The following NALCN variants were observed in gnomAD, a reference collection of about 807,000 sequenced individuals.
The protein encoded by NALCN is sodium leak channel NALCN.
Under a neutral mutation model 225.3 loss-of-function variants are expected in NALCN, and 111 were observed. The observed-to-expected ratio is 0.49, with a 90% confidence interval of 0.42 to 0.58. The LOEUF (loss-of-function observed/expected upper bound fraction) is 0.58. Ranked by LOEUF, NALCN falls within the 20% of genes least tolerant of loss-of-function variation. The probability of loss-of-function intolerance (pLI) is 0.00; values close to 1 mark genes in which losing one functional copy is unlikely to be tolerated. For missense variants in NALCN, 1,378 were observed against 2,202.4 expected (o/e 0.63, Z 7.49); for synonymous variants, 764 against 769.0 (o/e 0.99, Z 0.11).
intron 11 of NALCN, among the ~76,000 whole-genome samples, chr13:101,245,996 A>G (rs2041884224): frequency 6.6e-6 from 1 of 152,180 alleles, no homozygotes; most frequent in African/African-American, 2.4e-5. Flanking sequence ...TTTGGACCTG[A>G]GAAGATTCTG....
At chr13:101,314,085 C>G (rs113365832) in intron 7 of NALCN, among the ~76,000 whole-genome samples, 15,527 of 145,964 alleles carry the variant, frequency 0.11, 1,105 homozygotes, top group African/African-American at 0.2. Flanking sequence ...ACCGCATGTT[C>G]TCACTCATAG....
intron 17 of NALCN, among the ~76,000 whole-genome samples, chr13:101,134,881 T>C (rs1197651447): frequency 1.3e-5 from 2 of 152,194 alleles, no homozygotes; most frequent in Admixed American, 6.5e-5. Flanking sequence ...ATAGGTTTAA[T>C]ATACAGTACT....
In NALCN at chr13:101,292,690, T is replaced by C. The variant is rs2043597806; in HGVS notation, c.800-324A>G. 6.6e-6 allele frequency among the ~76,000 whole-genome samples: 1 copy of C among 152,166 alleles called. No homozygotes were observed. Among genetic ancestry groups the C allele is most frequent in the Admixed American group, 6.5e-5 (1 of 15,272 alleles). ...TATATATGTATAATTAAAAAAAGGA[T>C]ATGTACCATTTAAGCTTGCCACTTG... On this transcript the variant is annotated intron_variant, in intron 7 of 43. Coordinates refer to ENST00000251127, the MANE Select transcript of NALCN (RefSeq NM_052867.4). This position sits in a 1 kb window ranked among gnomAD's most constrained non-coding sequence, Gnocchi z 4.3.
chr13:101,258,160 G>C (rs1341671719), intron 11 of NALCN, among the ~76,000 whole-genome samples: 1 of 152,148 alleles, frequency 6.6e-6, no homozygotes, highest in African/African-American at 2.4e-5. Context: ...GAGATAATAA[G>C]AGGTGGATAG....
At position 101,346,087 on chromosome 13, in the gene NALCN, C is replaced by CTCTCTCTCTCTCTATA; in HGVS notation, c.645-668_645-667insTATAGAGAGAGAGAGA. Among the ~76,000 whole-genome samples, 253 of 70,912 alleles carry CTCTCTCTCTCTCTATA rather than the reference C, an allele frequency of 3.6e-3. 1 individual carries two copies. Among genetic ancestry groups the CTCTCTCTCTCTCTATA allele is most frequent in the Admixed American group, 4.5e-3 (23 of 5,100 alleles). The allele number at this position is 70,912 out of a possible 152,430, so 46.5% of individuals were successfully genotyped here. ...TCTCTCTCTCTCTCTCTCTCTCTCT[C>CTCTCTCTCTCTCTATA]TATATATATATATATATATATATAT... On this transcript the variant is annotated intron_variant, in intron 6 of 43. Transcript: ENST00000251127.
intron 7 of NALCN, among the ~76,000 whole-genome samples, chr13:101,293,905 G>A (rs902796710): frequency 2.0e-5 from 3 of 152,166 alleles, no homozygotes; most frequent in African/African-American, 7.2e-5. Context: ...CATTGGTACT[G>A]TAACTCCTTG....
chr13:101,290,931 C>T (rs1381132824), intron 9 of NALCN, among the ~76,000 whole-genome samples: 2 of 152,118 alleles, frequency 1.3e-5, no homozygotes, highest in African/African-American at 2.4e-5. Context: ...TATAAAGATT[C>T]ACGCTAGAAG....
At chr13:101,180,991 C>A in intron 14 of NALCN, 2 of 451,354 alleles carry the variant, frequency 4.4e-6, no homozygotes, top group Non-Finnish European at 8.9e-6. Flanking sequence ...AGAAATGAAG[C>A]CCCATCATAA....
intron 11 of NALCN, among the ~76,000 whole-genome samples, chr13:101,248,918 T>C (rs1026428286): frequency 1.1e-4 from 17 of 152,234 alleles, no homozygotes; most frequent in Middle Eastern, 3.4e-3. Context: ...TCATATGATA[T>C]GTCATATGTC....
At chr13:101,391,175 G>A (rs1239728472) in intron 3 of NALCN, among the ~76,000 whole-genome samples, 2 of 150,520 alleles carry the variant, frequency 1.3e-5, no homozygotes, top group Non-Finnish European at 3.0e-5. Flanking sequence ...AAACAAAATG[G>A]AACAAACAAA....
rs776577303 is a variant in NALCN at position 101,376,929 on chromosome 13, G to C, written c.503C>G (p.Thr168Arg). The change falls in exon 5 of 44, where the codon ACA becomes AGA. Residue 168 changes from threonine to arginine, a missense_variant. Around this residue, in one of 19 missense-constraint regions of NALCN, gnomAD observed 14 missense variants for 58.2 expected, o/e 0.24. Transcript: ENST00000251127. ...AAGCAGCGCTCACTTTAAAATATTTGTAATTCTGGTCCTTGGCAGTTCAAA... is the reference window on the plus strand; with the variant it reads ...AAGCAGCGCTCACTTTAAAATATTTCTAATTCTGGTCCTTGGCAGTTCAAA... ...FRFELPRTRITNILKRSGEQI... is the reference protein window; with the variant it reads ...FRFELPRTRIRNILKRSGEQI... 2 of 1,614,132 alleles carry C rather than the reference G, an allele frequency of 1.2e-6. No individual in the cohort carries two copies. Among genetic ancestry groups the C allele is most frequent in the East Asian group, 2.2e-5 (1 of 44,874 alleles).
intron 28 of NALCN, 110 bp from the exon 29 acceptor site, chr13:101,090,076 A>G (rs112479106): frequency 1.6e-4 from 231 of 1,452,566 alleles, no homozygotes; most frequent in South Asian, 5.2e-4. Context: ...GTGTGTGTGT[A>G]TATACACACA....
intron 7 of NALCN, among the ~76,000 whole-genome samples, chr13:101,300,149 C>A (rs2043899289): frequency 6.6e-6 from 1 of 151,776 alleles, no homozygotes; most frequent in African/African-American, 2.4e-5. Flanking sequence ...ATCAGCAGAC[C>A]AGCAACAGCA....
intron 13 of NALCN, among the ~76,000 whole-genome samples, chr13:101,198,684 C>G (rs1328244610): frequency 1.3e-5 from 2 of 152,198 alleles, no homozygotes; most frequent in Non-Finnish European, 2.9e-5. Flanking sequence ...CACTTTTACA[C>G]TGTTGGTGGG....
chr13:101,103,315 T>A lies in NALCN; in HGVS notation c.2914A>T (p.Met972Leu), dbSNP rs2139609113. The change falls in exon 26 of 44, where the codon ATG becomes TTG. Residue 972 changes from methionine (M) to leucine (L), a missense_variant. Transcript: ENST00000251127. ...YLVSLIFLCW[M>L]PQNVPAESGA... is the part of the protein sequence containing the mutation. ...GATTCAGCAGGTACATTTTGAGGCA[T>A]CCAACAAAGAAATATCAAGCTCACC... 6.2e-7 allele frequency: 1 copy of A among 1,612,246 alleles called. No individual in the cohort carries two copies. The highest frequency in any genetic ancestry group is 8.5e-7 in the Non-Finnish European group (1 of 1,179,422).
intron 7 of NALCN, among the ~76,000 whole-genome samples, chr13:101,334,735 G>A (rs764339526): frequency 7.9e-5 from 12 of 152,132 alleles, no homozygotes; most frequent in Non-Finnish European, 1.6e-4. Flanking sequence ...AATCACACAT[G>A]AGCACAGAAT....
intron 13 of NALCN, among the ~76,000 whole-genome samples, chr13:101,206,542 AC>A (rs2040317658): frequency 6.6e-6 from 1 of 151,766 alleles, no homozygotes. Context: ...TTAGAACTTT[AC>A]CTGTTCATGT....
At chr13:101,257,533 A>G (rs1378588944) in intron 11 of NALCN, among the ~76,000 whole-genome samples, 1 of 152,200 alleles carries the variant, frequency 6.6e-6, no homozygotes, top group Non-Finnish European at 1.5e-5. Context: ...ACTTAATTAT[A>G]TGGCAAATTG....
chr13:101,381,526 C>T (rs1271434830), intron 3 of NALCN, among the ~76,000 whole-genome samples: 3 of 151,856 alleles, frequency 2.0e-5, no homozygotes, highest in Non-Finnish European at 4.4e-5. Flanking sequence ...TTTTTCTGAG[C>T]CTAAATTTGA....
Sources: gnomAD v4.1 joint callset for allele counts (sites outside exome capture counted in the v4.1 genomes callset) on GRCh38, gnomAD v4.1.1 for gene constraint, gnomAD v4.1.1 regional missense constraint, Gnocchi (gnomAD v3.1) non-coding constraint, MANE v1.5 for transcripts, NCBI Gene and HGNC (gene_info 2026-07-23, HGNC 2026-07-21) for gene names.